Variants in PRPSAP2 observed in about 807,000 individuals in gnomAD.
PRPSAP2 encodes phosphoribosyl pyrophosphate synthetase associated protein 2, also known as phosphoribosyl pyrophosphate synthase-associated protein 2.
In PRPSAP2, 24 loss-of-function variants were observed where a neutral mutation model predicts 40.6. The observed-to-expected ratio is 0.59, with a 90% CI of 0.43 to 0.83. PRPSAP2 has a LOEUF of 0.83. PRPSAP2 is among the 40% of genes least tolerant of loss of function. PRPSAP2 has a pLI of 0.00. For synonymous variants in PRPSAP2, 149 were observed against 164.7 expected, an observed-to-expected ratio of 0.90 and a Z score of 0.73; for missense variants, 292 against 465.6, an observed-to-expected ratio of 0.63 and a Z score of 3.43.
intron 7 of PRPSAP2, 52 bp downstream of exon 7, chr17:18,882,735 T>A (rs1467541061): frequency 1.7e-6 from 2 of 1,201,712 alleles, no homozygotes; most frequent in African/African-American, 1.5e-5. Context: ...GGTTGAAAGA[T>A]GTATTTCCAT....
At chr17:18,889,965 G>T in intron 8 of PRPSAP2, 88 bp downstream of exon 8, 1 of 1,171,660 alleles carries the variant, frequency 8.5e-7, no homozygotes. Context: ...TTGAACTTCA[G>T]TGGTTCCCAG....
chr17:18,927,374 T>C (rs560601036), intron 10 of PRPSAP2, among the ~76,000 whole-genome samples: 24 of 152,362 alleles, frequency 1.6e-4, no homozygotes, highest in African/African-American at 5.8e-4. Flanking sequence ...CTAATTATTA[T>C]TTCAAGAATG....
chr17:18,875,487 C>G (rs912251372), intron 5 of PRPSAP2, among the ~76,000 whole-genome samples: 1 of 151,618 alleles, frequency 6.6e-6, no homozygotes, highest in African/African-American at 2.4e-5. Flanking sequence ...ATTGCTTGAA[C>G]GCAGGAGGCA....
intron 8 of PRPSAP2, among the ~76,000 whole-genome samples, chr17:18,894,737 T>G (rs1263448747): frequency 6.6e-6 from 1 of 151,944 alleles, no homozygotes; most frequent in African/African-American, 2.4e-5. Flanking sequence ...CCCACCTCAG[T>G]CTCCCAAAGT....
chr17:18,903,531 C>T (rs1185143388), intron 8 of PRPSAP2, among the ~76,000 whole-genome samples: 1 of 152,032 alleles, frequency 6.6e-6, no homozygotes, highest in Non-Finnish European at 1.5e-5. Flanking sequence ...TCCAGGAGTT[C>T]AAGAACAGCC....
chr17:18,903,825 C>G (rs1417210332), intron 8 of PRPSAP2, among the ~76,000 whole-genome samples: 1 of 152,198 alleles, frequency 6.6e-6, no homozygotes, highest in Non-Finnish European at 1.5e-5. Context: ...TCTTATATCC[C>G]GTAGCTATGT....
intron 1 of PRPSAP2, among the ~76,000 whole-genome samples, chr17:18,864,487 T>G (rs1490530425): frequency 6.6e-6 from 1 of 151,840 alleles, no homozygotes; most frequent in African/African-American, 2.4e-5. Context: ...AGAGACAGAT[T>G]TCACCCTTTT....
rs376295819 is a variant in PRPSAP2, at chr17:18,903,918, C to T, written c.585-7185C>T. 1.6e-4 allele frequency among the ~76,000 whole-genome samples: 25 copies of T among 152,240 alleles called. No homozygotes were observed. The South Asian group carries it at 5.0e-3, about 30-fold the overall frequency. ...CAGGAGATGGCACTTTCTGGCTCAG[C>T]CACATGCAAATTCTGATCCTATTAT... On this transcript the variant is annotated intron_variant, in intron 8 of 11. Transcript: ENST00000268835.
chr17:18,887,225 C>A (rs562206338), intron 7 of PRPSAP2, among the ~76,000 whole-genome samples: 1 of 151,842 alleles, frequency 6.6e-6, no homozygotes, highest in Admixed American at 6.6e-5. Context: ...GTGAAGCCAC[C>A]GTGCCCGGCT....
chr17:18,892,714 TGTGTGTGTGTGTG>T (rs1567708927), intron 8 of PRPSAP2, among the ~76,000 whole-genome samples: 3 of 97,264 alleles, frequency 3.1e-5, no homozygotes, highest in Non-Finnish European at 6.9e-5. Flanking sequence ...TGTGTGTGTG[TGTGTGTGTGTGTG>T]TATTTATTTA....
chr17:18,858,788 A>C (rs1192111910), intron 1 of PRPSAP2, among the ~76,000 whole-genome samples: 1 of 152,002 alleles, frequency 6.6e-6, no homozygotes, highest in Non-Finnish European at 1.5e-5. Flanking sequence ...TCTTATGTTA[A>C]TGTTGGCTCC....
At chr17:18,894,936 A>G (rs1035097653) in intron 8 of PRPSAP2, among the ~76,000 whole-genome samples, 1 of 152,224 alleles carries the variant, frequency 6.6e-6, no homozygotes, top group Non-Finnish European at 1.5e-5. Flanking sequence ...TGGGATTTGC[A>G]TTAAATCTGT....
At chr17:18,889,922 A>G in intron 8 of PRPSAP2, 45 bp downstream of exon 8, 1 of 1,562,042 alleles carries the variant, frequency 6.4e-7, no homozygotes, top group Non-Finnish European at 8.8e-7. Flanking sequence ...ACTTCTAAGG[A>G]TTGTATCCGT....
At chr17:18,905,621 C>G (rs957616485) in intron 8 of PRPSAP2, among the ~76,000 whole-genome samples, 1 of 151,844 alleles carries the variant, frequency 6.6e-6, no homozygotes, top group African/African-American at 2.4e-5. Context: ...CTCTTGTTGC[C>G]CAGGCTAGAG....
chr17:18,861,477 AAG>A (rs924108362), intron 1 of PRPSAP2: 2 of 151,636 alleles, frequency 1.3e-5, no homozygotes, highest in African/African-American at 2.4e-5. Context: ...AAAAAAAAAA[AAG>A]AAAAAAAAGA....
chr17:18,916,932 C>T (rs1252171616), intron 9 of PRPSAP2, among the ~76,000 whole-genome samples: 1 of 152,202 alleles, frequency 6.6e-6, no homozygotes, highest in Non-Finnish European at 1.5e-5. Context: ...AATACTATCA[C>T]ATTGGGTATT....
chr17:18,881,980 A>G (rs1350651623), intron 6 of PRPSAP2, among the ~76,000 whole-genome samples: 2 of 151,592 alleles, frequency 1.3e-5, no homozygotes, highest in Admixed American at 1.3e-4. Flanking sequence ...AGCTGGGACT[A>G]CAGGCACACG....
chr17:18,909,641 G>A (rs1215764681), intron 8 of PRPSAP2, among the ~76,000 whole-genome samples: 2 of 151,964 alleles, frequency 1.3e-5, no homozygotes, highest in Non-Finnish European at 2.9e-5. Context: ...GCATGTGGCT[G>A]GACACGTAAT....
intron 8 of PRPSAP2, among the ~76,000 whole-genome samples, chr17:18,906,710 T>C (rs1213114876): frequency 6.6e-6 from 1 of 151,548 alleles, no homozygotes; most frequent in Non-Finnish European, 1.5e-5. Flanking sequence ...GTTTGTTTGT[T>C]TGTTTGTTCG....
Sources: gnomAD v4.1 joint callset for allele counts (sites outside exome capture counted in the v4.1 genomes callset) on GRCh38, gnomAD v4.1.1 for gene constraint, MANE v1.5 for transcripts, NCBI Gene and HGNC (gene_info 2026-07-23, HGNC 2026-07-21) for gene names.